The following MACROD2 variants were observed in gnomAD, a reference collection of about 807,000 sequenced individuals.
MACROD2 encodes the protein mono-ADP ribosylhydrolase 2.
MACROD2 carries 36 observed loss-of-function variants against 70.4 expected under a neutral mutation model. The ratio of observed to expected loss-of-function variants is 0.51; its 90% CI spans 0.39 to 0.68. The LOEUF is 0.68. Among genes scored for constraint, MACROD2 ranks in the 30% least tolerant of loss-of-function variants. The pLI is 0.00. For synonymous variants in MACROD2, 172 were observed against 178.8 expected, an observed-to-expected ratio of 0.96 and a Z score of 0.30; for missense variants, 496 against 538.4, an observed-to-expected ratio of 0.92 and a Z score of 0.78.
chr20:14,400,048 T>C (rs1301410730), intron 3 of MACROD2, among the ~76,000 whole-genome samples: 2 of 50,836 alleles, frequency 3.9e-5, no homozygotes, highest in East Asian at 1.3e-3. Flanking sequence ...AGTATTTGTA[T>C]TGATTAATTT....
intron 8 of MACROD2, among the ~76,000 whole-genome samples, chr20:15,768,134 GTGTC>G (rs1271975904): frequency 6.7e-6 from 1 of 149,066 alleles, no homozygotes; most frequent in African/African-American, 2.5e-5. Flanking sequence ...TTGTGTGTAT[GTGTC>G]TGTGTGTGTG....
At chr20:14,131,340 G>C (rs2148699333) in intron 3 of MACROD2, among the ~76,000 whole-genome samples, 1 of 151,994 alleles carries the variant, frequency 6.6e-6, no homozygotes, top group East Asian at 1.9e-4. Context: ...AACAAACATA[G>C]TTTATAGCTT....
At chr20:14,130,556 A>G (rs1176889909) in intron 3 of MACROD2, among the ~76,000 whole-genome samples, 2 of 152,150 alleles carry the variant, frequency 1.3e-5, no homozygotes, top group East Asian at 1.9e-4. Flanking sequence ...AAAAAAAGAA[A>G]GAAAGAAAAA....
chr20:15,030,983 G>C (rs753016612), intron 5 of MACROD2, among the ~76,000 whole-genome samples: 3 of 152,164 alleles, frequency 2.0e-5, no homozygotes, highest in Non-Finnish European at 2.9e-5. Context: ...CTTGGCTCGC[G>C]CTACCAGCCC....
At chr20:14,426,979 G>A (rs544123691) in intron 3 of MACROD2, among the ~76,000 whole-genome samples, 17 of 152,130 alleles carry the variant, frequency 1.1e-4, no homozygotes, top group African/African-American at 2.2e-4. Flanking sequence ...TCAGCAAATC[G>A]TTGTTATTTG....
intron 7 of MACROD2, among the ~76,000 whole-genome samples, chr20:15,439,346 T>C (rs1459275130): frequency 6.6e-6 from 1 of 152,188 alleles, no homozygotes; most frequent in Non-Finnish European, 1.5e-5. Context: ...ATTTTGAGGA[T>C]GGCAGAGCTA....
intron 4 of MACROD2, among the ~76,000 whole-genome samples, chr20:14,559,975 A>G (rs1396172393): frequency 2.0e-5 from 3 of 151,644 alleles, no homozygotes; most frequent in Non-Finnish European, 4.4e-5. Context: ...ATCTATTCAC[A>G]TTTCTCTTTG....
intron 5 of MACROD2, among the ~76,000 whole-genome samples, chr20:15,083,851 A>C (rs1008193646): frequency 2.6e-5 from 4 of 152,240 alleles, no homozygotes; most frequent in South Asian, 2.1e-4. Flanking sequence ...TTGACTATTC[A>C]AACATAGACC....
intron 5 of MACROD2, among the ~76,000 whole-genome samples, chr20:15,170,265 G>T (rs892264227): frequency 4.6e-5 from 7 of 152,140 alleles, no homozygotes; most frequent in African/African-American, 1.7e-4. Context: ...AAAACCACAT[G>T]AATATTATGC....
At chr20:14,540,001 G>A (rs1402439293) in intron 4 of MACROD2, among the ~76,000 whole-genome samples, 1 of 152,200 alleles carries the variant, frequency 6.6e-6, no homozygotes, top group East Asian at 1.9e-4. Context: ...TTCTTTTAAA[G>A]GTCCTTATAG....
At chr20:15,734,655 C>T (rs1450250624) in intron 8 of MACROD2, among the ~76,000 whole-genome samples, 1 of 152,168 alleles carries the variant, frequency 6.6e-6, no homozygotes, top group Non-Finnish European at 1.5e-5. Flanking sequence ...CAAAAATCAT[C>T]TTCAACAAGA....
intron 6 of MACROD2, among the ~76,000 whole-genome samples, chr20:15,387,909 A>G (rs985878420): frequency 7.1e-6 from 1 of 140,324 alleles, no homozygotes; most frequent in Non-Finnish European, 1.6e-5. Context: ...TGTCCAGCTA[A>G]CTTGTATTTA....
intron 5 of MACROD2, among the ~76,000 whole-genome samples, chr20:14,825,416 GAAGT>G (rs887894888): frequency 1.3e-5 from 2 of 151,968 alleles, no homozygotes; most frequent in Non-Finnish European, 2.9e-5. Flanking sequence ...CCTTTTTCCT[GAAGT>G]AAGGGCTTAT....
intron 8 of MACROD2, among the ~76,000 whole-genome samples, chr20:15,656,871 G>C (rs927977187): frequency 6.6e-6 from 1 of 151,750 alleles, no homozygotes; most frequent in African/African-American, 2.4e-5. Context: ...GCAAAAGTAA[G>C]AAGAGACCAT....
intron 5 of MACROD2, among the ~76,000 whole-genome samples, chr20:15,012,899 G>T (rs557908533): frequency 2.0e-5 from 3 of 152,280 alleles, no homozygotes; most frequent in Non-Finnish European, 2.9e-5. Context: ...TTGGAAGGCT[G>T]TATGCCTGCA....
intron 3 of MACROD2, among the ~76,000 whole-genome samples, chr20:14,305,970 C>T (rs115797136): frequency 5.9e-4 from 88 of 150,370 alleles, no homozygotes; most frequent in African/African-American, 2.0e-3. Context: ...TGTGTTTCTC[C>T]CATTTAAAAC....
At chr20:15,759,358 A>G (rs1197047756) in intron 8 of MACROD2, among the ~76,000 whole-genome samples, 1 of 152,174 alleles carries the variant, frequency 6.6e-6, no homozygotes, top group Non-Finnish European at 1.5e-5. Context: ...AAAAATAATT[A>G]CTATTTAATT....
chr20:15,146,816 G>T (rs977076711), intron 5 of MACROD2, among the ~76,000 whole-genome samples: 11 of 152,110 alleles, frequency 7.2e-5, no homozygotes, highest in African/African-American at 2.4e-4. Flanking sequence ...ATTCTGAGAT[G>T]CCAATTTCAT....
At chr20:16,008,941 C>G (rs2066825388) in intron 15 of MACROD2, among the ~76,000 whole-genome samples, 1 of 151,852 alleles carries the variant, frequency 6.6e-6, no homozygotes, top group Non-Finnish European at 1.5e-5. Context: ...TAAGTGCGCC[C>G]AAGCTAGAAG....
Sources: allele counts gnomAD v4.1 joint callset (sites outside exome capture counted in the v4.1 genomes callset), GRCh38; gene constraint gnomAD v4.1.1; transcripts MANE v1.5; gene names NCBI Gene and HGNC (gene_info 2026-07-23, HGNC 2026-07-21).